The following GALNT13 variants were observed in gnomAD, a reference collection of about 807,000 sequenced individuals.
The protein encoded by GALNT13 is UDP-GalNAc:polypeptide N-acetylgalactosaminyltransferase 13.
GALNT13 carries 28 observed loss-of-function variants against 64.2 expected under a neutral mutation model. The observed-to-expected ratio is 0.44, with a 90% CI of 0.32 to 0.60. GALNT13 has a LOEUF of 0.60. GALNT13 is among the 20% of genes least tolerant of loss of function. The pLI, the probability that GALNT13 is intolerant of heterozygous loss-of-function variation, is 0.05. For missense variants in GALNT13, 577 were observed against 669.8 expected (o/e 0.86, Z 1.53); for synonymous variants, 214 against 224.6 (o/e 0.95, Z 0.42).
chr2:153,853,288 G>T, the GALNT13 span, among the ~76,000 whole-genome samples: 1 of 152,082 alleles, frequency 6.6e-6, no homozygotes, highest in Non-Finnish European at 1.5e-5. Context: ...TGACTCAAAT[G>T]TTAATCTCCT....
the GALNT13 span, among the ~76,000 whole-genome samples, chr2:153,109,993 G>T: frequency 6.6e-6 from 1 of 151,952 alleles, no homozygotes; most frequent in Admixed American, 6.6e-5. Context: ...CTGAGGTTTG[G>T]GGTTAAATGT....
chr2:153,670,458 C>G, the GALNT13 span, among the ~76,000 whole-genome samples: 1 of 152,134 alleles, frequency 6.6e-6, no homozygotes, highest in Non-Finnish European at 1.5e-5. Context: ...AGCTGAGGAG[C>G]CTGTCTGTGA....
intron 8 of GALNT13, among the ~76,000 whole-genome samples, chr2:154,298,577 G>GTATATATAATTTATATATAAATTA (rs1559075509): frequency 2.0e-5 from 1 of 49,124 alleles, no homozygotes; most frequent in African/African-American, 7.5e-5. Flanking sequence ...TATATAAATT[G>GTATATATAATTTATATATAAATTA]TATATATAAT....
At chr2:153,296,581 G>A in the GALNT13 span, among the ~76,000 whole-genome samples, 126,003 of 152,166 alleles carry the variant, frequency 0.83, 53,388 homozygotes, top group African/African-American at 0.92. Flanking sequence ...TAAAAGCTAA[G>A]TGAAATTGCC....
Position 154,415,459 on chromosome 2 carries a change from A to G in GALNT13, c.1395+6377A>G, listed in dbSNP as rs549903266. Among the ~76,000 whole-genome samples the G allele has an allele frequency of 1.3e-4, 20 of 152,246 alleles. No individual in the cohort carries two copies. The East Asian group carries it at 3.3e-3, about 25-fold the overall frequency. On this transcript the variant is annotated intron_variant, in intron 11 of 12. Coordinates refer to ENST00000392825, the MANE Select transcript of GALNT13 (RefSeq NM_052917.4). ...GAAGACAGCTAGAAAGCACGTGGAA[A>G]CATTCCATATAATTTATTGCGGTAA...
the GALNT13 span, among the ~76,000 whole-genome samples, chr2:153,536,643 A>C: frequency 4.5e-4 from 68 of 152,298 alleles, no homozygotes; most frequent in African/African-American, 1.2e-3. Flanking sequence ...ATTTGCACTT[A>C]ATTCATTCAT....
upstream of GALNT13, among the ~76,000 whole-genome samples, chr2:153,870,015 C>CA (rs1386420814): frequency 6.6e-6 from 1 of 151,854 alleles, no homozygotes; most frequent in African/African-American, 2.4e-5. Flanking sequence ...AGCTGAGTCC[C>CA]ACACCCTCAA....
the GALNT13 span, chr2:153,421,887 A>G: frequency 3.1e-5 from 3 of 97,608 alleles, no homozygotes; most frequent in South Asian, 4.8e-4. Context: ...TGTTCCAGGT[A>G]GTAGAGCTCC....
chr2:153,336,387 G>A, the GALNT13 span, among the ~76,000 whole-genome samples: 6 of 152,266 alleles, frequency 3.9e-5, no homozygotes, highest in Non-Finnish European at 5.9e-5. Context: ...CCACAGGGAC[G>A]TAGCTGCCCA....
intron 3 of GALNT13, among the ~76,000 whole-genome samples, chr2:154,085,405 A>G (rs1283925721): frequency 1.6e-4 from 25 of 152,002 alleles, no homozygotes; most frequent in Admixed American, 1.6e-3. Context: ...TTACCTTCAC[A>G]AAAGCTAATT....
At chr2:153,325,934 G>C in the GALNT13 span, among the ~76,000 whole-genome samples, 3 of 152,130 alleles carry the variant, frequency 2.0e-5, no homozygotes, top group Non-Finnish European at 2.9e-5. Context: ...GTTAATTTTA[G>C]AATAAGTGTT....
chr2:153,239,577 G>T, the GALNT13 span, among the ~76,000 whole-genome samples: 5 of 152,112 alleles, frequency 3.3e-5, no homozygotes, highest in Non-Finnish European at 7.4e-5. Flanking sequence ...TTCAGCATCA[G>T]TTGAAATAAT....
At chr2:153,919,576 G>T (rs1202538636) in intron 2 of GALNT13, among the ~76,000 whole-genome samples, 1 of 151,954 alleles carries the variant, frequency 6.6e-6, no homozygotes, top group Non-Finnish European at 1.5e-5. Context: ...GAGGCAAGGT[G>T]TCTCAAGCAC....
chr2:153,560,003 T>A, the GALNT13 span, among the ~76,000 whole-genome samples: 27,556 of 152,034 alleles, frequency 0.18, 4,012 homozygotes, highest in African/African-American at 0.4. Context: ...GCAGTCTCTA[T>A]GCTCTTTGAA....
chr2:153,297,856 T>C, the GALNT13 span, among the ~76,000 whole-genome samples: 1 of 152,186 alleles, frequency 6.6e-6, no homozygotes, highest in African/African-American at 2.4e-5. Flanking sequence ...GGTGTCACAA[T>C]GTGCTGACTG....
intron 11 of GALNT13, among the ~76,000 whole-genome samples, chr2:154,421,261 T>C (rs1251123873): frequency 1.3e-5 from 2 of 152,102 alleles, no homozygotes; most frequent in Non-Finnish European, 2.9e-5. Flanking sequence ...TTTTTAAAGA[T>C]TCCTTGCTTA....
At chr2:153,301,324 A>AAAAAAAAAGAAAG in the GALNT13 span, among the ~76,000 whole-genome samples, 64 of 148,578 alleles carry the variant, frequency 4.3e-4, no homozygotes, top group African/African-American at 1.6e-3. Context: ...AAAAAGAAAA[A>AAAAAAAAAGAAAG]AAAAAAGAGT....
At chr2:154,309,850 A>T (rs1330499808) in intron 9 of GALNT13, among the ~76,000 whole-genome samples, 1 of 152,076 alleles carries the variant, frequency 6.6e-6, no homozygotes, top group Non-Finnish European at 1.5e-5. Context: ...CTGGTCTCTT[A>T]TTTTCCTAAC....
At chr2:154,166,516 T>A (rs893744244) in intron 4 of GALNT13, among the ~76,000 whole-genome samples, 1 of 152,204 alleles carries the variant, frequency 6.6e-6, no homozygotes, top group African/African-American at 2.4e-5. Flanking sequence ...GGAACACTTT[T>A]ACACTGTTGG....
Sources: gnomAD v4.1 joint callset for allele counts (sites outside exome capture counted in the v4.1 genomes callset) on GRCh38, gnomAD v4.1.1 for gene constraint, MANE v1.5 for transcripts, NCBI Gene and HGNC (gene_info 2026-07-23, HGNC 2026-07-21) for gene names.